Variants in IGLL5 observed in about 807,000 individuals in gnomAD.
The protein encoded by IGLL5 is immunoglobulin lambda like polypeptide 5, also known as immunoglobulin lambda-like polypeptide 5.
Under a neutral mutation model 20.9 loss-of-function variants are expected in IGLL5, and 30 were observed. The observed-to-expected ratio is 1.44, with a 90% confidence interval of 1.07 to 1.95. The LOEUF (loss-of-function observed/expected upper bound fraction) is 1.95, where lower values mean the gene tolerates loss of function less well. IGLL5 is among the 30% of genes most tolerant of loss of function. IGLL5 has a pLI of 0.00. For synonymous variants in IGLL5, 203 were observed against 117.3 expected (o/e 1.73, Z -4.72); for missense variants, 475 against 270.7 (o/e 1.75, Z -5.30).
intron 1 of IGLL5, among the ~76,000 whole-genome samples, chr22:22,891,737 AG>A (rs1490553485): frequency 3.3e-5 from 5 of 151,436 alleles, no homozygotes; most frequent in African/African-American, 1.2e-4. Flanking sequence ...TTATTCATAA[AG>A]GGTTTGTAAA....
At chr22:22,888,509 C>G (rs772770761) in intron 1 of IGLL5, among the ~76,000 whole-genome samples, 1 of 151,374 alleles carries the variant, frequency 6.6e-6, no homozygotes, top group African/African-American at 2.4e-5. Context: ...AAATTTTCAC[C>G]AGGGTCAGTG....
chr22:22,888,817 T>G (rs530599881), intron 1 of IGLL5, among the ~76,000 whole-genome samples: 3 of 151,336 alleles, frequency 2.0e-5, no homozygotes, highest in Admixed American at 6.6e-5. Flanking sequence ...AGCTGTCCAG[T>G]CATTGGAACA....
intron 1 of IGLL5, among the ~76,000 whole-genome samples, chr22:22,888,922 G>A (rs1193172849): frequency 2.0e-5 from 3 of 151,350 alleles, no homozygotes; most frequent in African/African-American, 4.8e-5. Flanking sequence ...GCACTGGCTG[G>A]TGATGGGTGC....
chr22:22,888,891 G>T (rs559891790), intron 1 of IGLL5, among the ~76,000 whole-genome samples: 3 of 151,382 alleles, frequency 2.0e-5, no homozygotes, highest in Non-Finnish European at 4.4e-5. Context: ...TGATGCCCAG[G>T]CTGGTCTCAC....
chr22:22,894,037 T>A (rs2067971335), intron 2 of IGLL5, among the ~76,000 whole-genome samples: 1 of 151,398 alleles, frequency 6.6e-6, no homozygotes, highest in Admixed American at 6.6e-5. Flanking sequence ...TCCCGGGGCC[T>A]GAGCTGGGAT....
chr22:22,888,620 G>A (rs540596066), intron 1 of IGLL5, among the ~76,000 whole-genome samples: 2 of 151,288 alleles, frequency 1.3e-5, no homozygotes, highest in East Asian at 2.0e-4. Context: ...GGGTGCCCAG[G>A]CCTGTTCCTC....
At chr22:22,895,344 C>G in intron 2 of IGLL5, 31 bp from the exon 3 acceptor site, 4 of 1,584,130 alleles carry the variant, frequency 2.5e-6, no homozygotes, top group Non-Finnish European at 3.5e-6. Context: ...ATTCTGTCTG[C>G]CCTCTCTCAC....
At chr22:22,894,350 T>G in intron 2 of IGLL5, among the ~76,000 whole-genome samples, 1 of 151,426 alleles carries the variant, frequency 6.6e-6, no homozygotes, top group East Asian at 2.0e-4. Flanking sequence ...CAGAGAGGGC[T>G]CTGGGTCTAG....
At chr22:22,888,630 C>A (rs191496884) in intron 1 of IGLL5, among the ~76,000 whole-genome samples, 4 of 151,252 alleles carry the variant, frequency 2.6e-5, no homozygotes, top group South Asian at 2.1e-4. Context: ...GCCTGTTCCT[C>A]CCCCTCCTCC....
chr22:22,888,219 G>A lies in IGLL5; in HGVS notation c.166G>A (p.Val56Ile), dbSNP rs531309531. The A allele has an allele frequency of 1.9e-5, 30 of 1,548,270 alleles. No homozygotes were observed. The highest frequency in any genetic ancestry group is 7.9e-5 in the Admixed American group (4 of 50,758). Residue 56 changes from valine to isoleucine, a missense_variant, in exon 1 of 3, where the codon GTT becomes ATT. By Grantham distance (29) the Val-to-Ile change is conservative. Transcript: ENST00000526893. ...QSGDPDPGASVGSSRSSLRSL... is the reference protein window; with the variant it reads ...QSGDPDPGASIGSSRSSLRSL... ...CGGGGACCCAGACCCTGGAGCCTCA[G>A]TTGGAAGCAGCCGATCCAGCCTGCG...
chr22:22,895,675 C>T lies in IGLL5; in HGVS notation c.626C>T (p.Ala209Val), dbSNP rs761711739. The T allele has an allele frequency of 1.2e-6, 2 of 1,613,212 alleles. No individual in the cohort carries two copies. Among genetic ancestry groups the T allele is most frequent in the African/African-American group, 1.3e-5 (1 of 74,860 alleles). Residue 209 changes from alanine (A) to valine (V), a missense_variant, in exon 3 of 3, where the codon GCC becomes GTC. By Grantham distance (64) the Ala-to-Val change is moderately conservative (BLOSUM62 0). Coordinates refer to ENST00000526893, the MANE Select transcript of IGLL5 (RefSeq NM_001178126.2). ...GGGAGCACCGTGGAGAAGACAGTGGCCCCTACAGAATGTTCATAGGTTCCC... is the reference window on the plus strand; with the variant it reads ...GGGAGCACCGTGGAGAAGACAGTGGTCCCTACAGAATGTTCATAGGTTCCC... ...HEGSTVEKTV[A>V]PTECS
intron 1 of IGLL5, among the ~76,000 whole-genome samples, chr22:22,889,427 T>A (rs1358714339): frequency 2.6e-5 from 4 of 151,304 alleles, no homozygotes; most frequent in Admixed American, 6.6e-5. Context: ...ATTCCACTTC[T>A]AGGAATTTAT....
rs531859776 is a variant in IGLL5 at position 22,888,628 on chromosome 22, C to G, written c.206+369C>G. The stretch of plus-strand genomic sequence containing the variant: ...CCCCACAGGGTGCCCAGGCCTGTTC[C>G]TCCCCCTCCTCCTCTCTGCCCATGT... On this transcript the variant is annotated intron_variant, in intron 1 of 2. Transcript: ENST00000526893. 6.6e-5 allele frequency among the ~76,000 whole-genome samples: 10 copies of G among 151,224 alleles called. 1 individual carries two copies. The highest frequency in any genetic ancestry group is 4.1e-4 in the East Asian group (2 of 4,880).
chr22:22,889,121 A>C (rs9623963), intron 1 of IGLL5, among the ~76,000 whole-genome samples: 3 of 151,088 alleles, frequency 2.0e-5, no homozygotes, highest in Admixed American at 6.6e-5. Flanking sequence ...AAAAATCAGC[A>C]CCGGATTGGA....
Position 22,889,388 on chromosome 22 carries a change from A to G in IGLL5, c.206+1129A>G, listed in dbSNP as rs536457710. On this transcript the variant is annotated intron_variant, in intron 1 of 2. Coordinates refer to ENST00000526893, the MANE Select transcript of IGLL5 (RefSeq NM_001178126.2). ...TTTTAGCAACAGGCGGCGAGTCAAA[A>G]AACAAAGTGTGTTTATCTAAACTGG... 3.3e-5 allele frequency among the ~76,000 whole-genome samples: 5 copies of G among 151,296 alleles called. 1 individual carries two copies. The highest frequency in any genetic ancestry group is 1.3e-4 in the Admixed American group (2 of 15,112).
At chr22:22,894,256 G>A (rs2068007102) in intron 2 of IGLL5, among the ~76,000 whole-genome samples, 1 of 150,622 alleles carries the variant, frequency 6.6e-6, no homozygotes, top group Admixed American at 6.6e-5. Flanking sequence ...GGTCTAGGCT[G>A]AGGACTGGAT....
intron 2 of IGLL5, among the ~76,000 whole-genome samples, chr22:22,894,745 G>T (rs566482755): frequency 6.6e-6 from 1 of 151,296 alleles, no homozygotes; most frequent in Admixed American, 6.6e-5. Context: ...GAAGGGTTCT[G>T]TGGTCGGGCT....
chr22:22,891,317 C>T (rs1209806446), intron 1 of IGLL5, among the ~76,000 whole-genome samples: 2 of 151,056 alleles, frequency 1.3e-5, no homozygotes, highest in Non-Finnish European at 2.9e-5. Flanking sequence ...AATCATCACA[C>T]ATTTGTTGAA....
At chr22:22,888,823 G>A (rs1265526459) in intron 1 of IGLL5, among the ~76,000 whole-genome samples, 13 of 151,360 alleles carry the variant, frequency 8.6e-5, no homozygotes, top group East Asian at 6.1e-4. Context: ...CCAGTCATTG[G>A]AACAGGCCCA....
Sources: gnomAD v4.1 joint callset for allele counts (sites outside exome capture counted in the v4.1 genomes callset) on GRCh38, gnomAD v4.1.1 for gene constraint, MANE v1.5 for transcripts, NCBI Gene and HGNC (gene_info 2026-07-23, HGNC 2026-07-21) for gene names.